Variants in HS6ST2 observed in about 807,000 individuals in gnomAD.
HS6ST2 encodes the protein heparan-sulfate 6-O-sulfotransferase 2.
In HS6ST2, 17 loss-of-function variants were observed where a neutral mutation model predicts 33.0. That is an observed-to-expected ratio of 0.52 (90% CI 0.35 to 0.77). The LOEUF (loss-of-function observed/expected upper bound fraction) is 0.77. Ranked by LOEUF, HS6ST2 falls within the 30% of genes least tolerant of loss-of-function variation. The probability of loss-of-function intolerance (pLI) is 0.01; values close to 1 mark genes in which losing one functional copy is unlikely to be tolerated. For synonymous variants in HS6ST2, 248 were observed against 237.1 expected, an observed-to-expected ratio of 1.05 and a Z score of -0.42; for missense variants, 519 against 551.7, an observed-to-expected ratio of 0.94 and a Z score of 0.59.
chrX:132,741,260 G>A, intron 2 of HS6ST2, among the ~76,000 whole-genome samples: 1 of 110,717 alleles, frequency 9.0e-6, no homozygotes, highest in Non-Finnish European at 1.9e-5. Flanking sequence ...CCTAAAGGCA[G>A]CATGGTGTAG....
chrX:132,957,502 T>C (rs2148510001), intron 1 of HS6ST2, among the ~76,000 whole-genome samples, 176 bp from the exon 2 acceptor site: 1 of 108,816 alleles, frequency 9.2e-6, no homozygotes, highest in Admixed American at 9.6e-5. Flanking sequence ...GCTTCCTTCC[T>C]TCCCGGCAGG....
intron 2 of HS6ST2, among the ~76,000 whole-genome samples, chrX:132,942,726 G>T (rs1602910614): frequency 1.8e-5 from 2 of 111,631 alleles, no homozygotes; most frequent in Non-Finnish European, 3.8e-5. Context: ...CCCTCCAAAG[G>T]CTGTGTCTAC....
At chrX:132,925,418 T>A (rs2066699484) in intron 2 of HS6ST2, among the ~76,000 whole-genome samples, 1 of 112,154 alleles carries the variant, frequency 8.9e-6, no homozygotes, top group Non-Finnish European at 1.9e-5. Flanking sequence ...CAGCCAGAAG[T>A]ACAGGTGACA....
rs1337972849 is a variant in HS6ST2 at position 132,828,693 on chromosome X, T to TATACAC, written c.948-120200_948-120199insGTGTAT. Among the ~76,000 whole-genome samples, 114 of 72,901 alleles carry TATACAC rather than the reference T, an allele frequency of 1.6e-3. 2 individuals are homozygous for TATACAC. Among genetic ancestry groups the TATACAC allele is most frequent in the Non-Finnish European group, 2.5e-3 (99 of 40,119 alleles). 63.3% of individuals were successfully genotyped at this position (72,901 alleles called of 115,157 possible). On this transcript the variant is annotated intron_variant, in intron 2 of 4. Coordinates refer to ENST00000370833, the MANE Select transcript of HS6ST2 (RefSeq NM_001394073.1). ...ATATCATATTTTATATATATATATA[T>TATACAC]ACACACACACACACACACACACACA...
intron 3 of HS6ST2, among the ~76,000 whole-genome samples, chrX:132,678,598 A>G (rs774366153): frequency 8.9e-6 from 1 of 112,471 alleles, no homozygotes; most frequent in South Asian, 3.7e-4. Context: ...CAGGCATCAT[A>G]CCTTTGTTTG....
At chrX:132,959,765 G>C (rs902813505), upstream of HS6ST2, among the ~76,000 whole-genome samples, 7 of 112,213 alleles carry the variant, frequency 6.2e-5, no homozygotes, top group African/African-American at 1.6e-4. Context: ...CCCCTGTTTT[G>C]ACCAACTGAG....
chrX:132,841,893 C>A (rs1351254915), intron 2 of HS6ST2, among the ~76,000 whole-genome samples: 4 of 111,800 alleles, frequency 3.6e-5, no homozygotes, highest in African/African-American at 1.3e-4. Context: ...ATGGACACAG[C>A]TAACATGCCC....
chrX:132,787,877 C>T (rs1428254210), intron 2 of HS6ST2, among the ~76,000 whole-genome samples: 1 of 106,739 alleles, frequency 9.4e-6, no homozygotes, highest in South Asian at 4.3e-4. Context: ...GGTGACAGAG[C>T]GAGACTCCAT....
At position 132,869,797 on chromosome X, in the gene HS6ST2, C is replaced by T. The variant is rs181744222; in HGVS notation, c.947+87011G>A. Among the ~76,000 whole-genome samples the T allele has an allele frequency of 2.1e-4, 24 of 111,725 alleles. No homozygotes were observed. The East Asian group carries it at 6.2e-3, about 29-fold the overall frequency. ...TAACAAGAGCTATTTAGTACAAACC[C>T]ACAGCCAATATCATAATGAATGGGC... On this transcript the variant is annotated intron_variant, in intron 2 of 4. Transcript: ENST00000370833.
At chrX:132,775,555 T>C (rs1043831909) in intron 2 of HS6ST2, among the ~76,000 whole-genome samples, 5 of 111,879 alleles carry the variant, frequency 4.5e-5, no homozygotes, top group Admixed American at 9.5e-5. Flanking sequence ...TTATGAGACA[T>C]AATGCAAGAA....
intron 3 of HS6ST2, among the ~76,000 whole-genome samples, chrX:132,705,518 A>G (rs2064182968): frequency 9.0e-6 from 1 of 111,650 alleles, no homozygotes; most frequent in Non-Finnish European, 1.9e-5. Context: ...CTATTGAGTG[A>G]GGCTGCCGCT....
At chrX:132,922,596 G>A (rs907900272) in intron 2 of HS6ST2, among the ~76,000 whole-genome samples, 2 of 111,829 alleles carry the variant, frequency 1.8e-5, no homozygotes, top group Non-Finnish European at 1.9e-5. Flanking sequence ...GAGTGACCAC[G>A]GCCCATGACA....
At chrX:132,787,167 G>GTGTA (rs1405731624) in intron 2 of HS6ST2, among the ~76,000 whole-genome samples, 4,816 of 51,188 alleles carry the variant, frequency 0.094, 340 homozygotes, top group Middle Eastern at 0.12. Context: ...ATATATATAT[G>GTGTA]TATATATATA....
intron 4 of HS6ST2, among the ~76,000 whole-genome samples, chrX:132,649,673 T>C (rs75195545): frequency 9.0e-6 from 1 of 110,734 alleles, no homozygotes; most frequent in Non-Finnish European, 1.9e-5. Flanking sequence ...GCCTGGCCAA[T>C]ATGGTGAAAC....
At chrX:132,868,562 G>A (rs1170146589) in intron 2 of HS6ST2, among the ~76,000 whole-genome samples, 1 of 111,961 alleles carries the variant, frequency 8.9e-6, no homozygotes, top group Non-Finnish European at 1.9e-5. Flanking sequence ...CAAAAGAACA[G>A]AAATCATAAC....
At chrX:132,708,339 G>T (rs1450502511) in intron 3 of HS6ST2, 123 bp downstream of exon 3, 987 of 81,851 alleles carry the variant, frequency 0.012, 5 homozygotes, top group African/African-American at 0.032. Context: ...GCCCTGGAAA[G>T]AATTTGTCCA....
chrX:132,761,250 A>G, intron 2 of HS6ST2, among the ~76,000 whole-genome samples: 1 of 111,939 alleles, frequency 8.9e-6, no homozygotes, highest in South Asian at 3.8e-4. Flanking sequence ...GGCAAAGTAC[A>G]TCCATTCTTG....
At chrX:132,660,940 A>T (rs2063767212) in intron 4 of HS6ST2, among the ~76,000 whole-genome samples, 1 of 111,957 alleles carries the variant, frequency 8.9e-6, no homozygotes, top group Non-Finnish European at 1.9e-5. Flanking sequence ...AAGGGGAAGC[A>T]AGGCACCTTA....
chrX:132,628,462 G>A lies in HS6ST2; in HGVS notation c.1699C>T (p.Gln567Ter). 1 of 1,211,073 alleles carries A rather than the reference G, an allele frequency of 8.3e-7. No homozygotes were observed. Among genetic ancestry groups the A allele is most frequent in the Non-Finnish European group, 1.1e-6 (1 of 895,194 alleles). ...QRKFLKGRLLQTHFQSQGQGQ... is the reference protein window; with the variant it reads ...QRKFLKGRLL ...TGACCCTGGCTCTGGAAATGGGTCT[G>A]AAGGAGCCTTCCCTTCAGAAATTTG... is the stretch of plus-strand genomic sequence containing the variant. The change falls in exon 5 of 5, where the codon CAG becomes TAG. Residue 567 changes from glutamine to a stop codon, truncating the protein, a stop_gained. Transcript: ENST00000370833. LOFTEE classifies it high-confidence loss of function.
Sources: allele counts gnomAD v4.1 joint callset (sites outside exome capture counted in the v4.1 genomes callset), GRCh38; gene constraint gnomAD v4.1.1; transcripts MANE v1.5; gene names NCBI Gene and HGNC (gene_info 2026-07-23, HGNC 2026-07-21).